The following CSMD1 variants were observed in gnomAD, a reference collection of about 807,000 sequenced individuals.
CSMD1 encodes the protein CUB and sushi domain-containing protein 1.
In CSMD1, 213 loss-of-function variants were observed where a neutral mutation model predicts 417.5. The ratio of observed to expected loss-of-function variants is 0.51; its 90% confidence interval spans 0.46 to 0.57. CSMD1 has a LOEUF of 0.57. Ranked by LOEUF, CSMD1 falls within the 20% of genes least tolerant of loss-of-function variation. The pLI is 0.00. For synonymous variants in CSMD1, 2,862 were observed against 1,736.8 expected (o/e 1.65, Z -16.11); for missense variants, 6,923 against 4,529.7 (o/e 1.53, Z -15.17).
chr8:4,958,941 GC>G (rs1179473837), intron 1 of CSMD1, among the ~76,000 whole-genome samples: 1 of 152,110 alleles, frequency 6.6e-6, no homozygotes, highest in Non-Finnish European at 1.5e-5. Flanking sequence ...AGCTGCCTTT[GC>G]TTCCTTAGGT....
intron 12 of CSMD1, among the ~76,000 whole-genome samples, chr8:3,428,039 C>G (rs2897375): frequency 0.069 from 10,552 of 152,244 alleles, 415 homozygotes; most frequent in East Asian, 0.17. Flanking sequence ...GCATTATCTG[C>G]TTCGTTGCGT....
intron 1 of CSMD1, among the ~76,000 whole-genome samples, chr8:4,967,294 A>C (rs1019451784): frequency 3.3e-5 from 5 of 152,218 alleles, no homozygotes; most frequent in Non-Finnish European, 7.3e-5. Context: ...TAGCCATTTC[A>C]GGCATTTTAA....
chr8:3,337,519 T>G (rs1167091346), intron 23 of CSMD1, among the ~76,000 whole-genome samples: 1 of 152,104 alleles, frequency 6.6e-6, no homozygotes, highest in Non-Finnish European at 1.5e-5. Context: ...GAGATAGGTG[T>G]AAAGAATGAC....
At position 3,134,074 on chromosome 8, in the gene CSMD1, A is replaced by G. The variant is rs1817942710; in HGVS notation, c.6241+8391T>C. ...GCACCTGCAGTCCCAGCTACTCAGG[A>G]GGCAGGAGAATCACTTGAACCAGGG... On this transcript the variant is annotated intron_variant, in intron 41 of 69. Transcript: ENST00000635120. Among the ~76,000 whole-genome samples, 3 of 152,170 alleles carry G rather than the reference A, an allele frequency of 2.0e-5. No homozygotes were observed. The South Asian group carries it at 6.2e-4, about 32-fold the overall frequency.
intron 7 of CSMD1, among the ~76,000 whole-genome samples, chr8:3,679,100 C>A (rs976228583): frequency 1.2e-4 from 19 of 152,092 alleles, no homozygotes; most frequent in Non-Finnish European, 2.4e-4. Flanking sequence ...TAAAGACCAT[C>A]GAGGCTAGGA....
At chr8:3,789,120 G>C (rs1799595102) in intron 5 of CSMD1, among the ~76,000 whole-genome samples, 1 of 152,118 alleles carries the variant, frequency 6.6e-6, no homozygotes, top group Admixed American at 6.6e-5. Flanking sequence ...TTTGGAAGGT[G>C]ACTAAGTCCT....
At chr8:4,303,789 G>T (rs766563228) in intron 3 of CSMD1, among the ~76,000 whole-genome samples, 10 of 151,910 alleles carry the variant, frequency 6.6e-5, no homozygotes, top group Non-Finnish European at 1.5e-4. Flanking sequence ...CTGAGTAGCT[G>T]GGACTACAGG....
chr8:3,797,701 A>T (rs1204721953), intron 5 of CSMD1, among the ~76,000 whole-genome samples: 1 of 152,004 alleles, frequency 6.6e-6, no homozygotes, highest in Non-Finnish European at 1.5e-5. Flanking sequence ...CCTTTTGGCT[A>T]ATACAAACAA....
At chr8:3,344,064 C>G (rs997427223) in intron 22 of CSMD1, among the ~76,000 whole-genome samples, 1 of 152,082 alleles carries the variant, frequency 6.6e-6, no homozygotes, top group Non-Finnish European at 1.5e-5. Flanking sequence ...GCATTATCTT[C>G]CCAAGCAGTT....
intron 1 of CSMD1, among the ~76,000 whole-genome samples, chr8:4,982,143 G>A (rs764065162): frequency 6.6e-6 from 1 of 152,166 alleles, no homozygotes; most frequent in Non-Finnish European, 1.5e-5. Context: ...TGCTTTGTGA[G>A]ACCTTAAGCA....
At chr8:4,101,169 G>C (rs1474554476) in intron 3 of CSMD1, among the ~76,000 whole-genome samples, 4 of 152,156 alleles carry the variant, frequency 2.6e-5, no homozygotes, top group African/African-American at 9.7e-5. Flanking sequence ...CTGTCTATGA[G>C]TCCATCTGAA....
chr8:2,976,999 T>C (rs1007556403), intron 55 of CSMD1, among the ~76,000 whole-genome samples: 1 of 151,854 alleles, frequency 6.6e-6, no homozygotes, highest in Non-Finnish European at 1.5e-5. Context: ...TCCCTTCCCC[T>C]GATTTAAAGA....
chr8:3,895,063 G>C (rs1481933188), intron 5 of CSMD1, among the ~76,000 whole-genome samples: 1 of 152,182 alleles, frequency 6.6e-6, no homozygotes, highest in African/African-American at 2.4e-5. Context: ...GTGGAGTACA[G>C]CCAGTGGTCA....
chr8:3,249,754 CG>C (rs952870803), intron 26 of CSMD1, among the ~76,000 whole-genome samples: 55 of 49,708 alleles, frequency 1.1e-3, no homozygotes, highest in Middle Eastern at 0.017. Context: ...TGTTTATTTC[CG>C]TTTTTTTTAA....
intron 5 of CSMD1, among the ~76,000 whole-genome samples, chr8:3,913,002 T>C (rs1053801463): frequency 6.6e-6 from 1 of 152,128 alleles, no homozygotes; most frequent in African/African-American, 2.4e-5. Context: ...GCCTACGCAC[T>C]GGTGACTATA....
rs187219981 is a variant in CSMD1, at chr8:4,981,395, C to T, written c.85+12937G>A. ...TTTGACTGATAGGACCGAATTATCC[C>T]CTCCCCTCATTTTTCTAGATATCCA... On this transcript the variant is annotated intron_variant, in intron 1 of 69. Transcript: ENST00000635120. Among the ~76,000 whole-genome samples, 18 of 152,164 alleles carry T rather than the reference C, an allele frequency of 1.2e-4. 1 individual carries two copies. The highest frequency in any genetic ancestry group is 9.8e-4 in the Admixed American group (15 of 15,286).
intron 10 of CSMD1, among the ~76,000 whole-genome samples, chr8:3,512,788 T>C (rs1385137844): frequency 6.6e-6 from 1 of 151,836 alleles, no homozygotes; most frequent in Non-Finnish European, 1.5e-5. Context: ...TATTTTTTAC[T>C]AGAGACAGGG....
intron 3 of CSMD1, among the ~76,000 whole-genome samples, chr8:4,067,115 G>A (rs960389990): frequency 6.6e-6 from 1 of 152,184 alleles, no homozygotes; most frequent in Non-Finnish European, 1.5e-5. Context: ...CCTCAAATGT[G>A]TTTCCACAGA....
intron 33 of CSMD1, among the ~76,000 whole-genome samples, chr8:3,192,648 A>G (rs1480496100): frequency 6.6e-6 from 1 of 152,226 alleles, no homozygotes; most frequent in Non-Finnish European, 1.5e-5. Flanking sequence ...GCCATTTTAT[A>G]CAATATTTTA....
Sources: gnomAD v4.1 joint callset for allele counts (sites outside exome capture counted in the v4.1 genomes callset) on GRCh38, gnomAD v4.1.1 for gene constraint, MANE v1.5 for transcripts, NCBI Gene and HGNC (gene_info 2026-07-23, HGNC 2026-07-21) for gene names.